ITGA9: variants seen among roughly 807,000 people sequenced by gnomAD.
The protein encoded by ITGA9 is integrin subunit alpha 9.
A neutral mutation model predicts 127.8 loss-of-function variants in ITGA9; 56 were observed. The ratio of observed to expected loss-of-function variants is 0.44; its 90% CI spans 0.35 to 0.55. The LOEUF (loss-of-function observed/expected upper bound fraction) is 0.55, where lower values mean the gene tolerates loss of function less well. Ranked by LOEUF, ITGA9 falls within the 20% of genes least tolerant of loss-of-function variation. The probability of loss-of-function intolerance (pLI) is 0.00; values close to 1 mark genes in which losing one functional copy is unlikely to be tolerated. For synonymous variants in ITGA9, 508 were observed against 514.5 expected (o/e 0.99, Z 0.17); for missense variants, 1,196 against 1,347.1 (o/e 0.89, Z 1.76).
At chr3:37,490,818 TAC>T (rs1402496568) in intron 4 of ITGA9, among the ~76,000 whole-genome samples, 2 of 152,178 alleles carry the variant, frequency 1.3e-5, no homozygotes, top group African/African-American at 4.8e-5. Context: ...GGAGGAGCCA[TAC>T]GACTTAATGA....
intron 18 of ITGA9, among the ~76,000 whole-genome samples, chr3:37,698,419 T>C (rs1304246243): frequency 1.3e-5 from 2 of 152,228 alleles, no homozygotes; most frequent in Non-Finnish European, 2.9e-5. Flanking sequence ...CCTATGCCTA[T>C]GTCCTGAATG....
At chr3:37,480,644 A>G (rs1698543118) in intron 3 of ITGA9, among the ~76,000 whole-genome samples, 1 of 152,200 alleles carries the variant, frequency 6.6e-6, no homozygotes, top group Admixed American at 6.5e-5. Context: ...CTCTCCACAC[A>G]CATTTACTTC....
intron 17 of ITGA9, among the ~76,000 whole-genome samples, chr3:37,672,231 G>A (rs373691799): frequency 4.0e-5 from 6 of 151,210 alleles, no homozygotes; most frequent in East Asian, 1.9e-4. Flanking sequence ...CCTAAATCTC[G>A]TCTTGAATTG....
intron 15 of ITGA9, among the ~76,000 whole-genome samples, chr3:37,543,963 C>G (rs959955810): frequency 6.6e-6 from 1 of 152,248 alleles, no homozygotes; most frequent in East Asian, 1.9e-4. Context: ...TCTTAGATTA[C>G]ATTGGCTTGT....
chr3:37,705,106 G>C lies in ITGA9; in HGVS notation c.2067+21091G>C, dbSNP rs77156514. On this transcript the variant is annotated intron_variant, in intron 18 of 27. Coordinates refer to ENST00000264741, the MANE Select transcript of ITGA9 (RefSeq NM_002207.3). ...CTTAGAATGGCATGAATGTTGGCTG[G>C]CTTGATCATGAGTGGGATCACGATG... Among the ~76,000 whole-genome samples the C allele has an allele frequency of 4.9e-3, 748 of 152,304 alleles. 4 individuals are homozygous for C. The highest frequency in any genetic ancestry group is 0.015 in the African/African-American group (614 of 41,558).
chr3:37,685,944 A>T (rs1700778318), intron 18 of ITGA9, among the ~76,000 whole-genome samples: 2 of 152,244 alleles, frequency 1.3e-5, no homozygotes, highest in South Asian at 4.1e-4. Context: ...TAGCTTGGAG[A>T]TTGCATAATA....
At chr3:37,675,018 C>T (rs903051542) in intron 17 of ITGA9, among the ~76,000 whole-genome samples, 2 of 152,240 alleles carry the variant, frequency 1.3e-5, no homozygotes, top group African/African-American at 4.8e-5. Context: ...CTGGACCATT[C>T]TCCTATTCAG....
At chr3:37,691,761 GAGAT>G (rs1700834492) in intron 18 of ITGA9, among the ~76,000 whole-genome samples, 2 of 152,164 alleles carry the variant, frequency 1.3e-5, no homozygotes, top group Admixed American at 6.5e-5. Flanking sequence ...ATTAGTCAAA[GAGAT>G]GAGAGTTTGG....
At chr3:37,549,259 A>G (rs1699357509) in intron 15 of ITGA9, among the ~76,000 whole-genome samples, 1 of 152,220 alleles carries the variant, frequency 6.6e-6, no homozygotes, top group African/African-American at 2.4e-5. Flanking sequence ...CTTGGGTGCA[A>G]TGAAGGGCTC....
rs1463215929 is a variant in ITGA9, at chr3:37,512,085, C to T, written c.898-1678C>T. ...CTTTCTTTCTTTCTTTCCTTCCTTC[C>T]TTCCTTCCTTCCTTCCTTCCTTCCT... On this transcript the variant is annotated intron_variant, in intron 8 of 27. Coordinates refer to ENST00000264741, the MANE Select transcript of ITGA9 (RefSeq NM_002207.3). Among the ~76,000 whole-genome samples the T allele has an allele frequency of 1.2e-3, 114 of 93,536 alleles. 2 individuals carry two copies. Among genetic ancestry groups the T allele is most frequent in the Middle Eastern group, 6.3e-3 (1 of 158 alleles). 61.4% of individuals were successfully genotyped at this position (93,536 alleles called of 152,430 possible).
rs139630798 is a variant in ITGA9, at chr3:37,735,396, A to G, written c.2155-1508A>G. Among the ~76,000 whole-genome samples, 1,390 of 152,190 alleles carry G rather than the reference A, an allele frequency of 9.1e-3. 28 individuals are homozygous for G. Among genetic ancestry groups the G allele is most frequent in the African/African-American group, 0.031 (1,296 of 41,514 alleles). On this transcript the variant is annotated intron_variant, in intron 19 of 27. Coordinates refer to ENST00000264741, the MANE Select transcript of ITGA9 (RefSeq NM_002207.3). ...AATTTCTGTCTAGAAAGAGATGTCCATGTTCACTGTAGATGATGGTCCATT... is the reference window on the plus strand; with the variant it reads ...AATTTCTGTCTAGAAAGAGATGTCCGTGTTCACTGTAGATGATGGTCCATT...
rs1041394741 is a variant in ITGA9, at chr3:37,799,177, T to G, written c.2890-4646T>G. ...AGGGTATGAACATTTTTATTTTATT[T>G]TTTAATTTTTTATTTTTTTAAGACA... On this transcript the variant is annotated intron_variant, in intron 26 of 27. Transcript: ENST00000264741. The surrounding 1 kb of genome is among the most constrained non-coding windows in gnomAD (Gnocchi z 4.0). Among the ~76,000 whole-genome samples the G allele has an allele frequency of 4.6e-5, 7 of 152,142 alleles. No homozygotes were observed. Among genetic ancestry groups the G allele is most frequent in the Non-Finnish European group, 1.0e-4 (7 of 68,024 alleles).
chr3:37,576,262 G>C (rs1008319097), intron 15 of ITGA9, among the ~76,000 whole-genome samples: 28 of 152,232 alleles, frequency 1.8e-4, no homozygotes, highest in African/African-American at 6.8e-4. Context: ...AGGAGAAAAG[G>C]ATGAATTTGG....
chr3:37,723,158 G>A (rs966928374), intron 18 of ITGA9, among the ~76,000 whole-genome samples: 4 of 152,008 alleles, frequency 2.6e-5, no homozygotes, highest in Non-Finnish European at 1.5e-5. Flanking sequence ...TTGATAGTTA[G>A]GTTACTTATC....
In ITGA9 at chr3:37,803,884, C is replaced by G. The variant is rs1333493234; in HGVS notation, c.2951C>G (p.Ala984Gly). 1 of 1,614,050 alleles carries G rather than the reference C, an allele frequency of 6.2e-7. No homozygotes were observed. Among genetic ancestry groups the G allele is most frequent in the Non-Finnish European group, 8.5e-7 (1 of 1,180,034 alleles). Residue 984 changes from alanine (A) to glycine (G), a missense_variant, in exon 27 of 28, where the codon GCC (alanine) becomes GGC (glycine). Coordinates refer to ENST00000264741, the MANE Select transcript of ITGA9 (RefSeq NM_002207.3). Reference protein sequence around the residue: ...PRGYVVGWIIAISLLVGILIF... With the variant: ...PRGYVVGWIIGISLLVGILIF... ...GGCTACGTCGTGGGGTGGATCATCG[C>G]CATCAGTTTGTTGGTGGGAATCCTC... is the stretch of plus-strand genomic sequence containing the variant.
At chr3:37,558,925 G>T (rs950800743) in intron 15 of ITGA9, among the ~76,000 whole-genome samples, 7 of 152,138 alleles carry the variant, frequency 4.6e-5, no homozygotes, top group Admixed American at 3.9e-4. Flanking sequence ...GTGGGCTGTG[G>T]GCCTTCTGGT....
intron 17 of ITGA9, 28 bp from the exon 18 acceptor site, chr3:37,683,837 A>T: frequency 6.2e-7 from 1 of 1,612,912 alleles, no homozygotes; most frequent in Non-Finnish European, 8.5e-7. Context: ...GCCTCAGGGC[A>T]TTCATTGCTG....
intron 22 of ITGA9, among the ~76,000 whole-genome samples, chr3:37,744,940 A>C (rs555765143): frequency 2.6e-5 from 4 of 152,220 alleles, no homozygotes. Flanking sequence ...CCCTGTGTGG[A>C]TGAAGTGAAG....
intron 3 of ITGA9, among the ~76,000 whole-genome samples, chr3:37,476,174 T>C (rs1203545902): frequency 2.6e-5 from 4 of 152,236 alleles, no homozygotes; most frequent in Non-Finnish European, 5.9e-5. Flanking sequence ...CTCTTTGAGA[T>C]CTTGTTTTCA....
Sources: gnomAD v4.1 joint callset for allele counts (sites outside exome capture counted in the v4.1 genomes callset) on GRCh38, gnomAD v4.1.1 for gene constraint, Gnocchi (gnomAD v3.1) non-coding constraint, MANE v1.5 for transcripts, NCBI Gene and HGNC (gene_info 2026-07-23, HGNC 2026-07-21) for gene names.